The following TSPAN9 variants were observed in gnomAD, a reference collection of about 807,000 sequenced individuals.
The protein encoded by TSPAN9 is tetraspanin-9.
Under a neutral mutation model 31.0 loss-of-function variants are expected in TSPAN9, and 16 were observed. The observed-to-expected ratio is 0.52, with a 90% CI of 0.35 to 0.78. The LOEUF is 0.78. TSPAN9 is among the 30% of genes least tolerant of loss of function. The probability of loss-of-function intolerance (pLI) is 0.01; values close to 1 mark genes in which losing one functional copy is unlikely to be tolerated. For missense variants in TSPAN9, 272 were observed against 312.5 expected (o/e 0.87, Z 0.98); for synonymous variants, 145 against 121.6 (o/e 1.19, Z -1.27).
chr12:3,202,039 T>G (rs1214133192), intron 3 of TSPAN9, among the ~76,000 whole-genome samples: 1 of 152,230 alleles, frequency 6.6e-6, no homozygotes, highest in Non-Finnish European at 1.5e-5. Flanking sequence ...TGAGAGGCAC[T>G]TTTGTAGAGA....
intron 2 of TSPAN9, among the ~76,000 whole-genome samples, chr12:3,161,058 TA>T: frequency 6.6e-6 from 1 of 152,266 alleles, no homozygotes; most frequent in East Asian, 1.9e-4. Flanking sequence ...CTGTCTCTAC[TA>T]AAAATACAAA....
intron 2 of TSPAN9, among the ~76,000 whole-genome samples, chr12:3,093,549 G>A (rs2098306059): frequency 6.6e-6 from 1 of 152,196 alleles, no homozygotes; most frequent in Admixed American, 6.5e-5. Context: ...CCAGCCACAA[G>A]TTTCTGTTGC....
At chr12:3,189,311 G>A (rs904903658) in intron 2 of TSPAN9, among the ~76,000 whole-genome samples, 1 of 152,212 alleles carries the variant, frequency 6.6e-6, no homozygotes, top group Admixed American at 6.5e-5. Flanking sequence ...GCACAGCTCT[G>A]GGATTTGTGG....
chr12:3,284,140 C>T lies in TSPAN9; in HGVS notation c.*1024C>T, dbSNP rs1862962344. 1 of 152,782 alleles carries T rather than the reference C, an allele frequency of 6.5e-6. No individual in the cohort carries two copies. The highest frequency in any genetic ancestry group is 1.5e-5 in the Non-Finnish European group (1 of 68,122). 9.5% of individuals were successfully genotyped at this position (152,782 alleles called of 1,614,324 possible). On this transcript the variant is annotated 3_prime_UTR_variant, in exon 9 of 9. Coordinates refer to ENST00000011898, the MANE Select transcript of TSPAN9 (RefSeq NM_006675.5). Reference sequence around the variant, plus strand: ...TGCTGGCACGCGAGGCTTCCCCTTCCACCCCATGTGGGTATTCCCACAACA... The same window carrying T: ...TGCTGGCACGCGAGGCTTCCCCTTCTACCCCATGTGGGTATTCCCACAACA...
intron 3 of TSPAN9, among the ~76,000 whole-genome samples, chr12:3,213,107 G>C (rs2098379609): frequency 6.6e-6 from 1 of 152,214 alleles, no homozygotes; most frequent in Non-Finnish European, 1.5e-5. Flanking sequence ...GGTTGCAGAA[G>C]ACCCCTTTTA....
chr12:3,176,912 A>G (rs1285778598), intron 2 of TSPAN9, among the ~76,000 whole-genome samples: 1 of 152,212 alleles, frequency 6.6e-6, no homozygotes, highest in African/African-American at 2.4e-5. Flanking sequence ...AGTGAAATGC[A>G]CAGAGCCGAG....
At chr12:3,280,000 G>A (rs142749348) in intron 5 of TSPAN9, among the ~76,000 whole-genome samples, 1,653 of 151,902 alleles carry the variant, frequency 0.011, 10 homozygotes, top group Middle Eastern at 0.037. Flanking sequence ...GGGGCAGTCT[G>A]TGGGGAAGCT....
At chr12:3,109,000 A>G (rs987388828) in intron 2 of TSPAN9, among the ~76,000 whole-genome samples, 1 of 150,922 alleles carries the variant, frequency 6.6e-6, no homozygotes, top group Non-Finnish European at 1.5e-5. Context: ...CAGTGGCGCG[A>G]TCTCCGCTCA....
At chr12:3,146,465 C>G (rs149293377) in intron 2 of TSPAN9, among the ~76,000 whole-genome samples, 489 of 152,324 alleles carry the variant, frequency 3.2e-3, no homozygotes, top group Middle Eastern at 6.8e-3. Flanking sequence ...TGGAGCACCT[C>G]CTGTGCAGGG....
chr12:3,215,720 G>A (rs1358547740), intron 3 of TSPAN9, among the ~76,000 whole-genome samples: 1 of 152,168 alleles, frequency 6.6e-6, no homozygotes, highest in Admixed American at 6.5e-5. Context: ...TGTGGGGGTG[G>A]GAGGGGCCCC....
At chr12:3,220,110 A>G (rs1286120400) in intron 3 of TSPAN9, among the ~76,000 whole-genome samples, 4 of 149,678 alleles carry the variant, frequency 2.7e-5, no homozygotes, top group Admixed American at 2.0e-4. Flanking sequence ...ACGCCATTGC[A>G]CTCCAGCCTG....
intron 2 of TSPAN9, among the ~76,000 whole-genome samples, chr12:3,154,623 C>T (rs2098341360): frequency 6.6e-6 from 1 of 152,208 alleles, no homozygotes; most frequent in Admixed American, 6.5e-5. Context: ...CAGCGTCCTG[C>T]TTTCATTGTT....
chr12:3,249,279 G>A (rs1862201567), intron 3 of TSPAN9, among the ~76,000 whole-genome samples: 1 of 152,142 alleles, frequency 6.6e-6, no homozygotes, highest in African/African-American at 2.4e-5. Context: ...ACTGCTCTCT[G>A]TTCCAACCAG....
At chr12:3,140,547 T>C (rs1057318719) in intron 2 of TSPAN9, among the ~76,000 whole-genome samples, 20 of 151,778 alleles carry the variant, frequency 1.3e-4, no homozygotes, top group Admixed American at 9.8e-4. Flanking sequence ...GTTCAGAGGG[T>C]TTCTTAGGAG....
intron 2 of TSPAN9, among the ~76,000 whole-genome samples, chr12:3,188,645 G>A (rs2098362776): frequency 6.6e-6 from 1 of 152,164 alleles, no homozygotes; most frequent in South Asian, 2.1e-4. Flanking sequence ...GCCGGAGCTT[G>A]GGGGATGAGT....
chr12:3,181,720 C>T (rs912987814), intron 2 of TSPAN9, among the ~76,000 whole-genome samples: 1 of 152,208 alleles, frequency 6.6e-6, no homozygotes, highest in Non-Finnish European at 1.5e-5. Context: ...CTGGGACTCA[C>T]ACCTGGGCCT....
intron 2 of TSPAN9, among the ~76,000 whole-genome samples, chr12:3,093,556 T>C (rs77076475): frequency 0.017 from 2,567 of 152,246 alleles, 77 homozygotes; most frequent in African/African-American, 0.056. Context: ...CAAGTTTCTG[T>C]TGCAGGGAAC....
chr12:3,259,136 A>C (rs1862403982), intron 3 of TSPAN9, among the ~76,000 whole-genome samples: 1 of 152,240 alleles, frequency 6.6e-6, no homozygotes, highest in Admixed American at 6.5e-5. Context: ...TATGTGAGGA[A>C]TGAAGGCATA....
At chr12:3,243,029 G>C (rs1416844623) in intron 3 of TSPAN9, among the ~76,000 whole-genome samples, 1 of 152,220 alleles carries the variant, frequency 6.6e-6, no homozygotes, top group Non-Finnish European at 1.5e-5. Context: ...GAATCAGCCT[G>C]AGAAAGTTGG....
Sources: gnomAD v4.1 joint callset for allele counts (sites outside exome capture counted in the v4.1 genomes callset) on GRCh38, gnomAD v4.1.1 for gene constraint, MANE v1.5 for transcripts, NCBI Gene and HGNC (gene_info 2026-07-23, HGNC 2026-07-21) for gene names.